Variants in AP4S1 observed in about 807,000 individuals in gnomAD.
The protein encoded by AP4S1 is AP-4 complex subunit sigma-1.
In AP4S1, 23 loss-of-function variants were observed where a neutral mutation model predicts 19.8. The ratio of observed to expected loss-of-function variants is 1.16; its 90% CI spans 0.84 to 1.65. The LOEUF is 1.65. AP4S1 is among the 40% of genes most tolerant of loss of function. The pLI, the probability that AP4S1 is intolerant of heterozygous loss-of-function variation, is 0.00. For missense variants in AP4S1, 166 were observed against 172.8 expected (o/e 0.96, Z 0.22); for synonymous variants, 46 against 54.1 (o/e 0.85, Z 0.66).
chr14:31,025,201 G>C (rs1566501808), upstream of AP4S1: 1 of 152,254 alleles, frequency 6.6e-6, no homozygotes, highest in Non-Finnish European at 1.5e-5. Context: ...ATCTAGTGGA[G>C]AGTACTGTAA....
chr14:31,048,228 G>A (rs1220280436), intron 1 of AP4S1, among the ~76,000 whole-genome samples: 1 of 151,224 alleles, frequency 6.6e-6, no homozygotes, highest in African/African-American at 2.4e-5. Context: ...CAAGTAGCTG[G>A]GATTACAGGC....
chr14:31,091,423 G>T, intron 5 of AP4S1, among the ~76,000 whole-genome samples: 1 of 151,998 alleles, frequency 6.6e-6, no homozygotes, highest in African/African-American at 2.4e-5. Flanking sequence ...TAGTGAACAG[G>T]TTAGAGTCAA....
intron 3 of AP4S1, 152 bp from the exon 4 acceptor site, chr14:31,072,753 C>G (rs1029018719): frequency 4.5e-6 from 3 of 668,850 alleles, no homozygotes; most frequent in Non-Finnish European, 5.4e-6. Context: ...TAGAACTGTT[C>G]TGAATATTTG....
At chr14:31,061,616 G>A (rs139821112) in intron 1 of AP4S1, among the ~76,000 whole-genome samples, 10 of 151,970 alleles carry the variant, frequency 6.6e-5, no homozygotes, top group African/African-American at 2.2e-4. Context: ...CCTAATATTT[G>A]TGAATCAGTT....
At chr14:31,049,178 T>G (rs1281665799) in intron 1 of AP4S1, among the ~76,000 whole-genome samples, 1 of 150,312 alleles carries the variant, frequency 6.7e-6, no homozygotes, top group East Asian at 2.0e-4. Flanking sequence ...CTTTGGGAGG[T>G]CGAGGCGGGT....
chr14:31,029,518 T>C lies in AP4S1; in HGVS notation c.-72+3731T>C, dbSNP rs145314114. ...AACACATGCTGTGCCCCATTGCCTA[T>C]CTTCAAAACTCAGCTCAGATCAGGC... On this transcript the variant is annotated intron_variant, in intron 1 of 5. Transcript: ENST00000542754. Among the ~76,000 whole-genome samples, 192 of 152,284 alleles carry C rather than the reference T, an allele frequency of 1.3e-3. 2 individuals carry two copies. The East Asian group carries it at 0.03, about 23-fold the overall frequency.
Position 31,040,827 on chromosome 14 carries a change from G to C in AP4S1, c.-72+15040G>C, listed in dbSNP as rs141046895. Among the ~76,000 whole-genome samples the C allele has an allele frequency of 5.7e-4, 87 of 152,082 alleles. 2 individuals are homozygous for C. The East Asian group carries it at 0.015, about 27-fold the overall frequency. On this transcript the variant is annotated intron_variant, in intron 1 of 5. Transcript: ENST00000542754. ...ATACTACTAGAAAAATGATAGGCCA[G>C]TTTTCTTTGGGAATCAGGATATCTA...
chr14:31,031,039 C>G (rs568236066), intron 1 of AP4S1, among the ~76,000 whole-genome samples: 1 of 152,212 alleles, frequency 6.6e-6, no homozygotes, highest in South Asian at 2.1e-4. Flanking sequence ...GACGGTTTCC[C>G]CCATGCTGTT....
intron 1 of AP4S1, among the ~76,000 whole-genome samples, chr14:31,062,616 A>T (rs1191420467): frequency 6.6e-6 from 1 of 152,180 alleles, no homozygotes; most frequent in Non-Finnish European, 1.5e-5. Flanking sequence ...GCATTAACAG[A>T]TGGCGATGCT....
chr14:31,066,103 T>C lies in AP4S1; in HGVS notation c.-71-23T>C. ...GAGAAATTTGATCTTGCCTTTCTGGTTTTGTTTGTTTTTGTCTTCAAGGTT... is the reference window on the plus strand; with the variant it reads ...GAGAAATTTGATCTTGCCTTTCTGGCTTTGTTTGTTTTTGTCTTCAAGGTT... On this transcript the variant is annotated intron_variant, in intron 1 of 5. Coordinates refer to ENST00000542754, the MANE Select transcript of AP4S1 (RefSeq NM_001128126.3). 5.8e-6 allele frequency: 7 copies of C among 1,214,884 alleles called. 1 individual carries two copies. The South Asian group carries it at 9.2e-5, about 16-fold the overall frequency. 75.3% of individuals were successfully genotyped at this position (1,214,884 alleles called of 1,614,324 possible).
At chr14:31,083,583 C>T in intron 5 of AP4S1, 2 of 435,372 alleles carry the variant, frequency 4.6e-6, no homozygotes, top group Middle Eastern at 7.6e-4. Context: ...TGGCTCACTA[C>T]ACCCTGGATC....
chr14:31,085,410 A>T (rs1887877644), intron 5 of AP4S1: 1 of 987,732 alleles, frequency 1.0e-6, no homozygotes, highest in East Asian at 1.1e-4. Flanking sequence ...TATTCTTGTG[A>T]GGCACAAATA....
At chr14:31,071,860 C>T (rs879919587) in intron 3 of AP4S1, among the ~76,000 whole-genome samples, 82 of 152,056 alleles carry the variant, frequency 5.4e-4, no homozygotes, top group African/African-American at 1.8e-3. Flanking sequence ...AGACTACAGG[C>T]GCACACCAAG....
chr14:31,026,561 G>A (rs912965077), intron 1 of AP4S1: 12 of 183,702 alleles, frequency 6.5e-5, no homozygotes, highest in Non-Finnish European at 1.2e-4. Context: ...CACTGAGAAC[G>A]CAGCCCGGGT....
intron 1 of AP4S1, among the ~76,000 whole-genome samples, chr14:31,037,205 C>G (rs12896059): frequency 0.26 from 39,370 of 151,654 alleles, 5,307 homozygotes; most frequent in South Asian, 0.33. Flanking sequence ...CCACCCCAAC[C>G]TCTCCCTCCC....
chr14:31,081,742 G>T (rs1265243697), intron 5 of AP4S1, among the ~76,000 whole-genome samples: 1 of 151,668 alleles, frequency 6.6e-6, no homozygotes, highest in Non-Finnish European at 1.5e-5. Flanking sequence ...TTATGTGTGT[G>T]TGTGTATGTG....
intron 1 of AP4S1, among the ~76,000 whole-genome samples, chr14:31,056,639 G>A (rs1457240034): frequency 2.0e-5 from 3 of 152,008 alleles, no homozygotes; most frequent in East Asian, 1.9e-4. Context: ...GATTACAGGC[G>A]TGAGCCACCG....
intron 1 of AP4S1, 99 bp downstream of exon 1, chr14:31,025,886 C>A (rs1196266969): frequency 1.3e-6 from 2 of 1,593,690 alleles, no homozygotes; most frequent in Non-Finnish European, 1.7e-6. Flanking sequence ...CTCCCGCACA[C>A]CGACCCCAAC....
chr14:31,093,081 A>G lies in AP4S1; in HGVS notation c.*46A>G, dbSNP rs1456301596. ...ATATGGATTTATCAGAAATGCGAGTACCGTGGAATACATCTCAACATGTTA... is the reference window on the plus strand; with the variant it reads ...ATATGGATTTATCAGAAATGCGAGTGCCGTGGAATACATCTCAACATGTTA... On this transcript the variant is annotated 3_prime_UTR_variant, in exon 6 of 6. Coordinates refer to ENST00000542754, the MANE Select transcript of AP4S1 (RefSeq NM_001128126.3). 8 of 1,527,132 alleles carry G rather than the reference A, an allele frequency of 5.2e-6. No individual in the cohort carries two copies. The highest frequency in any genetic ancestry group is 1.4e-5 in the African/African-American group (1 of 72,050). The allele number at this position is 1,527,132 out of a possible 1,614,324, so 94.6% of individuals were successfully genotyped here. A position where few individuals can be genotyped will look rare whatever the true frequency, so the allele number is the denominator to read the frequency against.
Sources: gnomAD v4.1 joint callset for allele counts (sites outside exome capture counted in the v4.1 genomes callset) on GRCh38, gnomAD v4.1.1 for gene constraint, MANE v1.5 for transcripts, NCBI Gene and HGNC (gene_info 2026-07-23, HGNC 2026-07-21) for gene names.